The following WWC1 variants were observed in gnomAD, a reference collection of about 807,000 sequenced individuals.
The protein encoded by WWC1 is WW and C2 domain containing 1, also known as protein KIBRA.
In WWC1, 55 loss-of-function variants were observed where a neutral mutation model predicts 138.4. The observed-to-expected ratio is 0.40, with a 90% confidence interval of 0.32 to 0.50. WWC1 has a LOEUF of 0.50. Among genes scored for constraint, WWC1 ranks in the 20% least tolerant of loss-of-function variants. WWC1 has a pLI of 0.72. For missense variants in WWC1, 1,226 were observed against 1,420.4 expected, an observed-to-expected ratio of 0.86 and a Z score of 2.20; for synonymous variants, 524 against 564.9, an observed-to-expected ratio of 0.93 and a Z score of 1.03.
At chr5:168,385,903 C>T (rs1022513783) in intron 3 of WWC1, among the ~76,000 whole-genome samples, 2 of 152,184 alleles carry the variant, frequency 1.3e-5, no homozygotes, top group African/African-American at 4.8e-5. Flanking sequence ...TCCCCTCACT[C>T]TTTCCATGGC....
At chr5:168,400,951 C>G (rs1441346513) in intron 5 of WWC1, among the ~76,000 whole-genome samples, 1 of 150,884 alleles carries the variant, frequency 6.6e-6, no homozygotes, top group East Asian at 2.0e-4. Context: ...AAAAAGCCCT[C>G]CAGTCTGGGT....
At chr5:168,448,865 C>T (rs189348981) in intron 17 of WWC1, among the ~76,000 whole-genome samples, 200 of 152,144 alleles carry the variant, frequency 1.3e-3, no homozygotes, top group Non-Finnish European at 2.6e-3. Flanking sequence ...GTGATCTGCC[C>T]ACCTCCACCT....
Position 168,399,595 on chromosome 5 carries a change from G to A in WWC1, c.590+28G>A, listed in dbSNP as rs182414835. Reference sequence around the variant, plus strand: ...AAGTACACCCTGCATCCCAGAGCATGGGGGCTGCTCCCCACCCTGGTTCCC... The same window carrying A: ...AAGTACACCCTGCATCCCAGAGCATAGGGGCTGCTCCCCACCCTGGTTCCC... On this transcript the variant is annotated intron_variant, in intron 5 of 22. Coordinates refer to ENST00000265293, the MANE Select transcript of WWC1 (RefSeq NM_015238.3). 3.2e-5 allele frequency: 51 copies of A among 1,611,248 alleles called. No individual in the cohort carries two copies. In the African/African-American group the frequency reaches 6.4e-4, roughly 20 times the overall value.
At chr5:168,357,493 TGCGC>T (rs374080598) in intron 1 of WWC1, among the ~76,000 whole-genome samples, 3 of 119,834 alleles carry the variant, frequency 2.5e-5, no homozygotes, top group African/African-American at 1.3e-4. Flanking sequence ...TGTGTGTGTG[TGCGC>T]GCGCGCACGC....
intron 1 of WWC1, among the ~76,000 whole-genome samples, chr5:168,293,088 C>T (rs1484583319): frequency 6.6e-6 from 1 of 152,188 alleles, no homozygotes; most frequent in Non-Finnish European, 1.5e-5. Flanking sequence ...GGTACCAGGC[C>T]GCTGTAGGTT....
At chr5:168,407,096 C>G (rs7735033) in intron 6 of WWC1, among the ~76,000 whole-genome samples, 87,528 of 152,006 alleles carry the variant, frequency 0.58, 26,284 homozygotes, top group East Asian at 0.81. Context: ...CTGGCCCCTG[C>G]CTTATTTTTC....
intron 1 of WWC1, among the ~76,000 whole-genome samples, chr5:168,321,013 G>C (rs1481087632): frequency 6.6e-6 from 1 of 152,048 alleles, no homozygotes; most frequent in Non-Finnish European, 1.5e-5. Flanking sequence ...CTTAAATTAC[G>C]GCAGTTAGCT....
intron 2 of WWC1, among the ~76,000 whole-genome samples, chr5:168,375,542 A>C (rs1189283249): frequency 6.6e-6 from 1 of 152,134 alleles, no homozygotes; most frequent in Non-Finnish European, 1.5e-5. Context: ...GCAGCAATGC[A>C]GACAACTCTT....
chr5:168,458,320 A>AAGCCT (rs1194554460), intron 19 of WWC1, among the ~76,000 whole-genome samples: 1 of 152,108 alleles, frequency 6.6e-6, no homozygotes, highest in African/African-American at 2.4e-5. Flanking sequence ...TGGGAGTCCA[A>AAGCCT]CTCCAAAGCC....
At chr5:168,422,173 C>A in intron 10 of WWC1, 76 bp downstream of exon 10, 1 of 1,407,898 alleles carries the variant, frequency 7.1e-7, no homozygotes, top group Non-Finnish European at 1.0e-6. Context: ...CCAGCCCAGG[C>A]TCTACCCTTC....
intron 1 of WWC1, among the ~76,000 whole-genome samples, chr5:168,337,078 A>G (rs889168898): frequency 3.9e-5 from 6 of 152,158 alleles, no homozygotes; most frequent in African/African-American, 1.4e-4. Context: ...TCCAAGTGAC[A>G]TCCTAAGAAA....
At chr5:168,443,675 A>T (rs1035179613) in intron 16 of WWC1, among the ~76,000 whole-genome samples, 2 of 152,220 alleles carry the variant, frequency 1.3e-5, no homozygotes, top group African/African-American at 4.8e-5. Flanking sequence ...CACATAAACC[A>T]TCTTTCACAG....
chr5:168,395,770 T>G (rs1040369863), intron 3 of WWC1, among the ~76,000 whole-genome samples: 1 of 152,222 alleles, frequency 6.6e-6, no homozygotes, highest in African/African-American at 2.4e-5. Flanking sequence ...AACCTCGGTC[T>G]TCTTTTTCTC....
chr5:168,325,631 ATTTCT>A (rs1383835263), intron 1 of WWC1, among the ~76,000 whole-genome samples: 2 of 152,162 alleles, frequency 1.3e-5, no homozygotes, highest in African/African-American at 4.8e-5. Flanking sequence ...GTGAGAAATG[ATTTCT>A]TTTCCTTTTT....
chr5:168,319,979 T>G (rs1771924745), intron 1 of WWC1, among the ~76,000 whole-genome samples: 4 of 152,230 alleles, frequency 2.6e-5, no homozygotes, highest in South Asian at 4.1e-4. Flanking sequence ...TATTTCATTG[T>G]GGTTTTGGTT....
chr5:168,413,203 T>C (rs1192494529), intron 8 of WWC1, among the ~76,000 whole-genome samples: 5 of 152,214 alleles, frequency 3.3e-5, no homozygotes, highest in Non-Finnish European at 7.3e-5. Flanking sequence ...TCCCTGGGCA[T>C]CTGTCCAACC....
At chr5:168,309,326 G>A (rs576034208) in intron 1 of WWC1, among the ~76,000 whole-genome samples, 10 of 152,274 alleles carry the variant, frequency 6.6e-5, no homozygotes, top group East Asian at 5.8e-4. Flanking sequence ...ACAACAAATC[G>A]AAAATTGAAT....
Position 168,423,605 on chromosome 5 carries a change from G to C in WWC1, c.1347G>C (p.Leu449=). Residue 449 remains leucine, a synonymous_variant, in exon 11 of 23, where the codon CTG becomes CTC. Transcript: ENST00000265293. ...CCCTCACGTCCAGCCGGGGCTCCCT[G>C]GTTGCATCCAGCCTGGACTCCTCCA... The part of the protein sequence containing the change: ...PGSLTSSRGS[L]VASSLDSSTS... 1 of 1,614,078 alleles carries C rather than the reference G, an allele frequency of 6.2e-7. No individual in the cohort carries two copies. The highest frequency in any genetic ancestry group is 8.5e-7 in the Non-Finnish European group (1 of 1,180,018).
At chr5:168,391,833 T>C (rs1778536711) in intron 3 of WWC1, among the ~76,000 whole-genome samples, 1 of 140,372 alleles carries the variant, frequency 7.1e-6, no homozygotes, top group Admixed American at 7.4e-5. Flanking sequence ...AGCAATAAAA[T>C]TTGGAAGCTG....
Sources: allele counts gnomAD v4.1 joint callset (sites outside exome capture counted in the v4.1 genomes callset), GRCh38; gene constraint gnomAD v4.1.1; transcripts MANE v1.5; gene names NCBI Gene and HGNC (gene_info 2026-07-23, HGNC 2026-07-21).